Variants in RAD51B observed in about 807,000 individuals in gnomAD.
The protein encoded by RAD51B is DNA repair protein RAD51 homolog 2.
Under a neutral mutation model 42.2 loss-of-function variants are expected in RAD51B, and 38 were observed. That is an observed-to-expected ratio of 0.90 (90% CI 0.70 to 1.18). The LOEUF is 1.18. Ranked by LOEUF, RAD51B falls within the 50% of genes most tolerant of loss-of-function variation. The probability of loss-of-function intolerance (pLI) is 0.00; values close to 1 mark genes in which losing one functional copy is unlikely to be tolerated. For synonymous variants in RAD51B, 154 were observed against 145.2 expected, an observed-to-expected ratio of 1.06 and a Z score of -0.43; for missense variants, 373 against 400.7, an observed-to-expected ratio of 0.93 and a Z score of 0.59.
chr14:68,283,208 C>T (rs888715296), intron 7 of RAD51B, among the ~76,000 whole-genome samples: 2 of 152,138 alleles, frequency 1.3e-5, no homozygotes, highest in Non-Finnish European at 2.9e-5. Context: ...GAAAGCACCA[C>T]AGGTAATAAA....
chr14:68,416,339 C>T (rs2084559883), intron 9 of RAD51B, among the ~76,000 whole-genome samples: 1 of 152,206 alleles, frequency 6.6e-6, no homozygotes, highest in Non-Finnish European at 1.5e-5. Flanking sequence ...CTGGCCCACA[C>T]TTGCACCTGG....
intron 7 of RAD51B, among the ~76,000 whole-genome samples, chr14:67,985,445 A>T (rs1003933362): frequency 1.3e-5 from 2 of 152,214 alleles, no homozygotes; most frequent in African/African-American, 4.8e-5. Context: ...AATCTAACAT[A>T]GAGTCCACAT....
chr14:68,566,638 C>G (rs773168715), intron 10 of RAD51B, among the ~76,000 whole-genome samples: 12 of 152,150 alleles, frequency 7.9e-5, no homozygotes, highest in Non-Finnish European at 1.6e-4. Flanking sequence ...ACAGCATACA[C>G]CTACCAAGCT....
At chr14:67,908,132 C>T (rs73280491) in intron 7 of RAD51B, among the ~76,000 whole-genome samples, 2,355 of 152,224 alleles carry the variant, frequency 0.015, 67 homozygotes, top group African/African-American at 0.053. Context: ...TGGTTGTCAA[C>T]TTTGAGGATA....
chr14:68,624,611 T>C (rs1049774875), intron 10 of RAD51B, among the ~76,000 whole-genome samples: 7 of 152,030 alleles, frequency 4.6e-5, no homozygotes, highest in Non-Finnish European at 7.4e-5. Flanking sequence ...ACCTCTGGAC[T>C]GGCCAGAGGG....
rs554279037 is a variant in RAD51B at position 67,996,152 on chromosome 14, T to A, written c.756+108948T>A. ...GGTTCATGCCTGTAATCCCAGCACTTTGGGAGGCCGAGGTGGGAGGATCGC... is the reference window on the plus strand; with the variant it reads ...GGTTCATGCCTGTAATCCCAGCACTATGGGAGGCCGAGGTGGGAGGATCGC... On this transcript the variant is annotated intron_variant, in intron 7 of 10. Transcript: ENST00000471583. 2.0e-4 allele frequency among the ~76,000 whole-genome samples: 30 copies of A among 151,738 alleles called. No homozygotes were observed. The East Asian group carries it at 5.9e-3, about 30-fold the overall frequency.
At chr14:67,974,435 G>T (rs1186648021) in intron 7 of RAD51B, among the ~76,000 whole-genome samples, 1 of 152,050 alleles carries the variant, frequency 6.6e-6, no homozygotes, top group Non-Finnish European at 1.5e-5. Context: ...AGACTTCAAA[G>T]ATGAATAAAC....
exon 11 of RAD51B, chr14:68,650,800 A>G (rs770837430): frequency 2.6e-6 from 2 of 761,072 alleles, no homozygotes; most frequent in South Asian, 1.4e-5. Flanking sequence ...ACATTTGCAT[A>G]TCTGGTTTCT....
chr14:67,845,274 G>A (rs1270917047), intron 4 of RAD51B, among the ~76,000 whole-genome samples: 1 of 152,108 alleles, frequency 6.6e-6, no homozygotes, highest in African/African-American at 2.4e-5. Context: ...CTCCCTTCAG[G>A]ACCTCTCGTA....
At chr14:67,923,897 T>A (rs559014551) in intron 7 of RAD51B, among the ~76,000 whole-genome samples, 11 of 152,338 alleles carry the variant, frequency 7.2e-5, no homozygotes, top group Middle Eastern at 6.8e-3. Context: ...TATTATACTT[T>A]GATTTTTAAA....
At chr14:68,677,881 T>G (rs747829034) in intron 11 of RAD51B, among the ~76,000 whole-genome samples, 1 of 152,140 alleles carries the variant, frequency 6.6e-6, no homozygotes, top group Non-Finnish European at 1.5e-5. Flanking sequence ...CACAGAGGTC[T>G]TCTGCAGGCT....
chr14:67,871,481 G>T (rs1323831932), intron 5 of RAD51B, among the ~76,000 whole-genome samples: 1 of 152,188 alleles, frequency 6.6e-6, no homozygotes, highest in Non-Finnish European at 1.5e-5. Context: ...GGACTAAATG[G>T]ATTCACAGCC....
chr14:68,048,901 A>C (rs1047744181), intron 7 of RAD51B, among the ~76,000 whole-genome samples: 2 of 152,208 alleles, frequency 1.3e-5, no homozygotes, highest in African/African-American at 4.8e-5. Flanking sequence ...ATAAAGACAC[A>C]TGCACAGATA....
intron 9 of RAD51B, among the ~76,000 whole-genome samples, chr14:68,466,083 T>A (rs1307136832): frequency 1.3e-5 from 2 of 152,172 alleles, no homozygotes; most frequent in Admixed American, 1.3e-4. Context: ...AAAGTGTAAA[T>A]TCCCACCTAT....
Position 68,002,414 on chromosome 14 carries a change from T to C in RAD51B, c.756+115210T>C, listed in dbSNP as rs1174574037. 1.1e-4 allele frequency among the ~76,000 whole-genome samples: 17 copies of C among 152,336 alleles called. 1 individual carries two copies. In the East Asian group the frequency reaches 3.3e-3, roughly 29 times the overall value. ...TCCTTGTAAATTTGTTTAAGTTCCT[T>C]GTAGATGCTGGATGTTAGACCTTTG... On this transcript the variant is annotated intron_variant, in intron 7 of 10. Transcript: ENST00000471583.
At chr14:68,111,948 T>C (rs1194812002) in intron 7 of RAD51B, among the ~76,000 whole-genome samples, 1 of 152,136 alleles carries the variant, frequency 6.6e-6, no homozygotes, top group Non-Finnish European at 1.5e-5. Context: ...GCTCGTTGTT[T>C]GGCCATGTGT....
chr14:68,168,484 T>C (rs940365774), intron 7 of RAD51B, among the ~76,000 whole-genome samples: 2 of 152,150 alleles, frequency 1.3e-5, no homozygotes, highest in East Asian at 3.8e-4. Context: ...AACCTTAAAA[T>C]GTAGCATGAT....
At chr14:68,626,926 C>T (rs76495834) in intron 10 of RAD51B, among the ~76,000 whole-genome samples, 1,588 of 152,176 alleles carry the variant, frequency 0.01, 20 homozygotes, top group African/African-American at 0.037. Flanking sequence ...TTTGTTGAAC[C>T]GAGACAGAAA....
At chr14:68,265,614 T>C (rs1051747754) in intron 7 of RAD51B, among the ~76,000 whole-genome samples, 9 of 151,940 alleles carry the variant, frequency 5.9e-5, no homozygotes, top group Non-Finnish European at 1.3e-4. Context: ...TAGCTGGGCG[T>C]GGTGGCATGT....
Sources: allele counts gnomAD v4.1 joint callset (sites outside exome capture counted in the v4.1 genomes callset), GRCh38; gene constraint gnomAD v4.1.1; transcripts MANE v1.5; gene names NCBI Gene and HGNC (gene_info 2026-07-23, HGNC 2026-07-21).